The following CYP2S1 variants were observed in gnomAD, a reference collection of about 807,000 sequenced individuals.
The protein encoded by CYP2S1 is cytochrome P450 2S1.
In CYP2S1, 32 loss-of-function variants were observed where a neutral mutation model predicts 43.5. The ratio of observed to expected loss-of-function variants is 0.74; its 90% CI spans 0.56 to 0.99. The LOEUF is 0.99. Among genes scored for constraint, CYP2S1 ranks in the 50% least tolerant of loss-of-function variants. The pLI is 0.00. For synonymous variants in CYP2S1, 283 were observed against 302.9 expected (o/e 0.93, Z 0.68); for missense variants, 575 against 673.9 (o/e 0.85, Z 1.62).
chr19:41,197,429 G>A (rs977523300), intron 2 of CYP2S1, among the ~76,000 whole-genome samples: 9 of 151,960 alleles, frequency 5.9e-5, no homozygotes, highest in Non-Finnish European at 8.8e-5. Context: ...GGCCGGGCGC[G>A]GTGGCTCACG....
At position 41,206,705 on chromosome 19, in the gene CYP2S1, A is replaced by G. The variant is rs1200036496; in HGVS notation, c.*217A>G. On this transcript the variant is annotated 3_prime_UTR_variant, in exon 9 of 9. Coordinates refer to ENST00000310054, the MANE Select transcript of CYP2S1 (RefSeq NM_030622.8). ...ACCCATACACAACTACAAGGGCCAC[A>G]AAGCAACTGCTGGGTTAGCTTTCCA... 2.6e-6 allele frequency: 2 copies of G among 768,436 alleles called. No individual in the cohort carries two copies. The highest frequency in any genetic ancestry group is 4.7e-6 in the Non-Finnish European group (2 of 423,390). 47.6% of individuals were successfully genotyped at this position (768,436 alleles called of 1,614,324 possible).
intron 7 of CYP2S1, among the ~76,000 whole-genome samples, chr19:41,204,497 G>A (rs1007808490): frequency 2.0e-5 from 3 of 151,956 alleles, no homozygotes; most frequent in Non-Finnish European, 4.4e-5. Flanking sequence ...AGCAGTTTAT[G>A]CAAGCAGCTC....
At position 41,196,389 on chromosome 19, in the gene CYP2S1, G is replaced by A. The variant is rs906827768; in HGVS notation, c.344-1390G>A. On this transcript the variant is annotated intron_variant, in intron 2 of 8. Coordinates refer to ENST00000310054, the MANE Select transcript of CYP2S1 (RefSeq NM_030622.8). ...GCTTTTGTTTTTCCTGGGAGCAGTC[G>A]ATTTTAAGCAGGGAACAGCTGTATT... is the stretch of plus-strand genomic sequence containing the variant. Among the ~76,000 whole-genome samples, 16 of 152,112 alleles carry A rather than the reference G, an allele frequency of 1.1e-4. 1 individual carries two copies. Among genetic ancestry groups the A allele is most frequent in the Non-Finnish European group, 2.4e-4 (16 of 68,020 alleles).
At chr19:41,197,260 AT>A (rs1200097654) in intron 2 of CYP2S1, among the ~76,000 whole-genome samples, 1 of 152,138 alleles carries the variant, frequency 6.6e-6, no homozygotes, top group Non-Finnish European at 1.5e-5. Context: ...TTTCAGGAGA[AT>A]GTACTCCCTT....
At chr19:41,205,326 C>CTTTCTTTCTTTT (rs2033549324) in intron 7 of CYP2S1, among the ~76,000 whole-genome samples, 2 of 64,548 alleles carry the variant, frequency 3.1e-5, no homozygotes, top group Middle Eastern at 6.9e-3. Flanking sequence ...TATTCTTTGC[C>CTTTCTTTCTTTT]TTTCTTTCTT....
chr19:41,199,040 C>T, intron 5 of CYP2S1, 152 bp downstream of exon 5: 4 of 1,027,844 alleles, frequency 3.9e-6, no homozygotes, highest in South Asian at 1.7e-5. Context: ...CATGTGTGTG[C>T]ATCCCTTCTC....
chr19:41,205,380 TTCTCTCTCTC>T lies in CYP2S1; in HGVS notation c.1165-574_1165-565del, dbSNP rs757107358. ...TTTCTTTCTTTCTTTCTTTCTTTCT[TTCTCTCTCTC>T]TCTTTCTTTCTCTCTTTCTTTCTTT... On this transcript the variant is annotated intron_variant, in intron 7 of 8. Coordinates refer to ENST00000310054, the MANE Select transcript of CYP2S1 (RefSeq NM_030622.8). Among the ~76,000 whole-genome samples the T allele has an allele frequency of 3.4e-3, 433 of 127,662 alleles. 5 individuals are homozygous for T. The highest frequency in any genetic ancestry group is 7.0e-3 in the African/African-American group (267 of 38,358). 83.8% of individuals were successfully genotyped at this position (127,662 alleles called of 152,430 possible). A position where few individuals can be genotyped will look rare whatever the true frequency, so the allele number is the denominator to read the frequency against.
intron 5 of CYP2S1, among the ~76,000 whole-genome samples, chr19:41,199,994 G>C (rs28441076): frequency 6.8e-6 from 1 of 147,818 alleles, no homozygotes; most frequent in Non-Finnish European, 1.5e-5. Context: ...AAGAAAAAAA[G>C]AAAAAAGACA....
intron 5 of CYP2S1, among the ~76,000 whole-genome samples, chr19:41,199,945 G>C (rs927320949): frequency 9.3e-5 from 14 of 150,150 alleles, no homozygotes; most frequent in Non-Finnish European, 1.9e-4. Context: ...ACTCCAGCCT[G>C]GGCAACAAGA....
chr19:41,197,845 A>T lies in CYP2S1; in HGVS notation c.410A>T (p.Asp137Val), dbSNP rs2033433825. 1 of 1,613,962 alleles carries T rather than the reference A, an allele frequency of 6.2e-7. No homozygotes were observed. The highest frequency in any genetic ancestry group is 1.3e-5 in the African/African-American group (1 of 74,918). ...AAGTTTACCATGCTTGCTCTGCGGG[A>T]CCTGGGCATGGGGAAGCGAGAAGGC... ...LRKFTMLALR[D>V]LGMGKREGEE... The change falls in exon 3 of 9, where the codon GAC becomes GTC. Residue 137 changes from aspartate (D) to valine (V), a missense_variant. Physicochemically the swap from Asp to Val is radical, Grantham distance 152. This residue lies in a region of CYP2S1 where 353 missense variants were observed against 367.6 expected (regional missense o/e 0.96). Transcript: ENST00000310054.
In CYP2S1 at chr19:41,206,475, C is replaced by G. The variant is rs759878389; in HGVS notation, c.1502C>G (p.Thr501Arg). The G allele has an allele frequency of 1.2e-6, 2 of 1,614,052 alleles. No homozygotes were observed. The highest frequency in any genetic ancestry group is 1.7e-5 in the Admixed American group (1 of 59,992). ...QVRPTDLHST[T>R]QTR is the part of the protein sequence containing the mutation. ...CGTCCCACTGACCTTCACTCCACCA[C>G]GCAGACCAGATGAAGGAAGGCAACT... The change falls in exon 9 of 9, where the codon ACG becomes AGG. Residue 501 changes from threonine (T) to arginine (R), a missense_variant. Physicochemically the swap from Thr to Arg is moderately conservative, Grantham distance 71. Coordinates refer to ENST00000310054, the MANE Select transcript of CYP2S1 (RefSeq NM_030622.8).
Position 41,201,323 on chromosome 19 carries a change from C to G in CYP2S1, c.927C>G (p.Thr309=). ...LLFAGTMTVS[T]TVGYTLLLLM... ...TTGCTGGGACGATGACGGTCAGCAC[C>G]ACGGTCGGCTATACCCTCCTGCTCC... Residue 309 remains threonine (T), a synonymous_variant, in exon 6 of 9, where the codon ACC becomes ACG. Coordinates refer to ENST00000310054, the MANE Select transcript of CYP2S1 (RefSeq NM_030622.8). 1 of 1,614,138 alleles carries G rather than the reference C, an allele frequency of 6.2e-7. No homozygotes were observed. The highest frequency in any genetic ancestry group is 8.5e-7 in the Non-Finnish European group (1 of 1,180,034).
intron 5 of CYP2S1, among the ~76,000 whole-genome samples, chr19:41,199,705 C>T (rs1466545426): frequency 1.3e-5 from 2 of 152,068 alleles, no homozygotes; most frequent in Non-Finnish European, 2.9e-5. Flanking sequence ...TGGCTCATGC[C>T]TGTAATCTCA....
intron 7 of CYP2S1, among the ~76,000 whole-genome samples, chr19:41,205,344 T>TTTTTCTTTCTG (rs1433824777): frequency 1.0e-5 from 1 of 97,506 alleles, no homozygotes; most frequent in Admixed American, 8.9e-5. Flanking sequence ...CTTTCTTTTT[T>TTTTTCTTTCTG]TCTTTCTTTC....
At chr19:41,205,390 CTCTTTCTT>C (rs1293928038) in intron 7 of CYP2S1, among the ~76,000 whole-genome samples, 2 of 83,686 alleles carry the variant, frequency 2.4e-5, no homozygotes, top group Non-Finnish European at 4.7e-5. Flanking sequence ...TTCTCTCTCT[CTCTTTCTT>C]TCTCTCTTTC....
chr19:41,198,454 C>T lies in CYP2S1; in HGVS notation c.494-8C>T, dbSNP rs751405436. On this transcript the variant is annotated splice_polypyrimidine_tract_variant and splice_region_variant and intron_variant, in intron 3 of 8. Coordinates refer to ENST00000310054, the MANE Select transcript of CYP2S1 (RefSeq NM_030622.8). The surrounding 1 kb of genome is among the most constrained non-coding windows in gnomAD (Gnocchi z 4.9). ...CACAGCCTACCTCCCTGCCCCCATTCCCCCCAGGACGCCCATTCGATCCCT... is the reference window on the plus strand; with the variant it reads ...CACAGCCTACCTCCCTGCCCCCATTTCCCCCAGGACGCCCATTCGATCCCT... 2 of 1,612,820 alleles carry T rather than the reference C, an allele frequency of 1.2e-6. No homozygotes were observed. The highest frequency in any genetic ancestry group is 1.7e-5 in the Admixed American group (1 of 59,944).
At chr19:41,194,191 G>A (rs2033379357) in intron 1 of CYP2S1, among the ~76,000 whole-genome samples, 1 of 152,082 alleles carries the variant, frequency 6.6e-6, no homozygotes, top group African/African-American at 2.4e-5. Context: ...AGGGTTTTGT[G>A]GTGACTGAAA....
At chr19:41,205,423 T>G (rs1470707774) in intron 7 of CYP2S1, among the ~76,000 whole-genome samples, 2 of 36,904 alleles carry the variant, frequency 5.4e-5, no homozygotes, top group African/African-American at 3.6e-4. Flanking sequence ...TTTCTTTCTC[T>G]CTCTCTCTCT....
rs2033444840 is a variant in CYP2S1, at chr19:41,198,534, T to C, written c.566T>C (p.Leu189Pro). ...GTAGTCTGCTCCCTCCTCTTTGGCC[T>C]CCGCTTCTCCTATGAGGATAAGGAG... is the stretch of plus-strand genomic sequence containing the variant. ...SNVVCSLLFG[L>P]RFSYEDKEFQ... Residue 189 changes from leucine (L) to proline (P), a missense_variant, in exon 4 of 9, where the codon CTC becomes CCC. Leu to Pro is a moderately conservative substitution (Grantham distance 98). This residue lies in a region of CYP2S1 where 353 missense variants were observed against 367.6 expected (regional missense o/e 0.96). Coordinates refer to ENST00000310054, the MANE Select transcript of CYP2S1 (RefSeq NM_030622.8). The surrounding 1 kb of genome is among the most constrained non-coding windows in gnomAD (Gnocchi z 4.9). The C allele has an allele frequency of 6.2e-7, 1 of 1,613,994 alleles. No homozygotes were observed. The highest frequency in any genetic ancestry group is 1.3e-5 in the African/African-American group (1 of 74,902).
Sources: gnomAD v4.1 joint callset for allele counts (sites outside exome capture counted in the v4.1 genomes callset) on GRCh38, gnomAD v4.1.1 for gene constraint, gnomAD v4.1.1 regional missense constraint, Gnocchi (gnomAD v3.1) non-coding constraint, MANE v1.5 for transcripts, NCBI Gene and HGNC (gene_info 2026-07-23, HGNC 2026-07-21) for gene names.